Variants in ASXL3 observed in about 807,000 individuals in gnomAD.
ASXL3 encodes the protein putative Polycomb group protein ASXL3.
A neutral mutation model predicts 170.6 loss-of-function variants in ASXL3; 34 were observed. The observed-to-expected ratio is 0.20, with a 90% CI of 0.15 to 0.27. The LOEUF is 0.27. ASXL3 is among the 10% of genes least tolerant of loss of function. ASXL3 has a pLI of 1.00. For synonymous variants in ASXL3, 1,002 were observed against 989.1 expected (o/e 1.01, Z -0.24); for missense variants, 2,592 against 2,695.3 (o/e 0.96, Z 0.85).
intron 11 of ASXL3, among the ~76,000 whole-genome samples, chr18:33,742,666 T>A (rs146941067): frequency 1.6e-3 from 248 of 152,316 alleles, no homozygotes; most frequent in African/African-American, 5.7e-3. Flanking sequence ...ACAATGGATG[T>A]TTTTGTAGAT....
Position 33,745,896 on chromosome 18 carries a change from T to TCCGCCG in ASXL3, c.6054_6059dup (p.Pro2027_Pro2028dup), listed in dbSNP as rs1284784809. ...CAATGCCAAACAAAGCACTAGTACATCCGCCGCCGCCACCGCCTCCCCCTC... is the reference window on the plus strand; with the variant it reads ...CAATGCCAAACAAAGCACTAGTACATCCGCCGCCGCCGCCGCCACCGCCTCCCCCTC... On this transcript the variant is annotated inframe_insertion, in exon 12 of 12. Transcript: ENST00000269197. The TCCGCCG allele has an allele frequency of 4.3e-6, 7 of 1,611,022 alleles. No homozygotes were observed. The highest frequency in any genetic ancestry group is 2.2e-5 in the East Asian group (1 of 44,766).
At chr18:33,649,442 G>A (rs2065963937) in intron 4 of ASXL3, 1 of 152,088 alleles carries the variant, frequency 6.6e-6, no homozygotes, top group South Asian at 2.1e-4. Context: ...GAATAGGGGA[G>A]GTAGTTTTGT....
At chr18:33,598,569 C>T (rs562203784) in intron 1 of ASXL3, among the ~76,000 whole-genome samples, 30 of 152,258 alleles carry the variant, frequency 2.0e-4, no homozygotes, top group African/African-American at 7.0e-4. Flanking sequence ...AAAATTGGGA[C>T]AATGTTCAAG....
intron 4 of ASXL3, among the ~76,000 whole-genome samples, chr18:33,654,060 A>G (rs2066044404): frequency 1.3e-5 from 2 of 152,072 alleles, no homozygotes; most frequent in East Asian, 1.9e-4. Flanking sequence ...ATTTTGGTCA[A>G]TTTTAACAGT....
chr18:33,739,765 C>T lies in ASXL3; in HGVS notation c.2361C>T (p.Ser787=), dbSNP rs374512885. 68 of 1,613,726 alleles carry T rather than the reference C, an allele frequency of 4.2e-5. No homozygotes were observed. Among genetic ancestry groups the T allele is most frequent in the African/African-American group, 3.7e-4 (28 of 75,042 alleles). ...EPLSPQKDES[S]ATAKPLGENL... is the part of the protein sequence containing the mutation. ...TCTCCCCGCAGAAAGATGAGTCTTC[C>T]GCCACTGCCAAACCTCTGGGAGAGA... is the stretch of plus-strand genomic sequence containing the variant. The change falls in exon 11 of 12, where the codon TCC becomes TCT. Residue 787 remains serine, a synonymous_variant. Coordinates refer to ENST00000269197, the MANE Select transcript of ASXL3 (RefSeq NM_030632.3).
At chr18:33,648,916 C>T (rs879496258) in intron 4 of ASXL3, among the ~76,000 whole-genome samples, 1 of 151,904 alleles carries the variant, frequency 6.6e-6, no homozygotes, top group Admixed American at 6.6e-5. Flanking sequence ...ACTGGATTTA[C>T]CTTTATGAGT....
intron 2 of ASXL3, among the ~76,000 whole-genome samples, chr18:33,640,822 T>C (rs2065835279): frequency 6.7e-6 from 1 of 148,200 alleles, no homozygotes; most frequent in African/African-American, 2.5e-5. Context: ...CAGTAACTAA[T>C]TATGGTGTTT....
intron 2 of ASXL3, among the ~76,000 whole-genome samples, chr18:33,620,336 G>C (rs1330812037): frequency 1.1e-4 from 17 of 152,084 alleles, no homozygotes; most frequent in Admixed American, 1.1e-3. Context: ...ATTAAGATTT[G>C]TTGGAACAGA....
intron 1 of ASXL3, chr18:33,605,356 A>G (rs1021589562): frequency 6.6e-6 from 1 of 151,962 alleles, no homozygotes; most frequent in African/African-American, 2.4e-5. Flanking sequence ...CTTTTGTTCT[A>G]TTAATGTTTA....
intron 5 of ASXL3, among the ~76,000 whole-genome samples, chr18:33,666,295 A>G (rs2066255031): frequency 6.6e-6 from 1 of 152,174 alleles, no homozygotes; most frequent in Non-Finnish European, 1.5e-5. Flanking sequence ...CCCCCCTGAA[A>G]TGAATCTAGA....
At chr18:33,721,231 A>G (rs16964882) in intron 8 of ASXL3, among the ~76,000 whole-genome samples, 4,032 of 152,106 alleles carry the variant, frequency 0.027, 81 homozygotes, top group East Asian at 0.07. Flanking sequence ...CTGATTTGGA[A>G]ATTTAGACAG....
chr18:33,601,609 A>G (rs1227543471), intron 1 of ASXL3, among the ~76,000 whole-genome samples: 3 of 151,698 alleles, frequency 2.0e-5, no homozygotes, highest in Admixed American at 6.6e-5. Flanking sequence ...TAGTGCTACA[A>G]TTTGGAGATA....
intron 8 of ASXL3, among the ~76,000 whole-genome samples, chr18:33,692,518 C>T (rs538002774): frequency 1.3e-5 from 2 of 152,270 alleles, no homozygotes; most frequent in South Asian, 2.1e-4. Flanking sequence ...CAAAGTCCTC[C>T]TCACAAAAGC....
intron 2 of ASXL3, chr18:33,625,638 A>G (rs1296815508): frequency 6.6e-6 from 1 of 152,126 alleles, no homozygotes. Flanking sequence ...GTCCAAATCT[A>G]TCTAAAAGGT....
chr18:33,578,423 C>G lies in ASXL3; in HGVS notation c.-209C>G, dbSNP rs1278577171. On this transcript the variant is annotated 5_prime_UTR_variant, in exon 1 of 12. Transcript: ENST00000269197. ...CGCCGCCGCCGTCGCGCGCCCCCAC[C>G]CACTCCACCCCACCCCCTCGCTCCA... The G allele has an allele frequency of 2.0e-5, 2 of 100,136 alleles. No individual in the cohort carries two copies. The highest frequency in any genetic ancestry group is 4.2e-5 in the Non-Finnish European group (2 of 47,882). The allele number at this position is 100,136 out of a possible 1,614,324, so 6.2% of individuals were successfully genotyped here. A position where few individuals can be genotyped will look rare whatever the true frequency, so the allele number is the denominator to read the frequency against.
At chr18:33,734,236 A>AATTAC (rs2067507541) in intron 9 of ASXL3, 74 bp from the exon 10 acceptor site, 13 of 985,264 alleles carry the variant, frequency 1.3e-5, no homozygotes, top group Non-Finnish European at 1.9e-5. Flanking sequence ...TACTCAAATG[A>AATTAC]ATTACATGTT....
chr18:33,644,522 G>A (rs2145198367), intron 2 of ASXL3, among the ~76,000 whole-genome samples: 1 of 149,622 alleles, frequency 6.7e-6, no homozygotes, highest in African/African-American at 2.4e-5. Flanking sequence ...CAAGTTGTCT[G>A]TAATATTTAA....
At chr18:33,639,746 G>A (rs2065819150) in intron 2 of ASXL3, among the ~76,000 whole-genome samples, 1 of 152,046 alleles carries the variant, frequency 6.6e-6, no homozygotes. Context: ...TGATATCTTG[G>A]TAGTTTTTAA....
intron 1 of ASXL3, among the ~76,000 whole-genome samples, chr18:33,582,734 G>GT (rs1555715553): frequency 7.0e-6 from 1 of 142,634 alleles, no homozygotes; most frequent in African/African-American, 2.5e-5. Flanking sequence ...GTGTGTGTGT[G>GT]TGTGTGTTTT....
Sources: gnomAD v4.1 joint callset for allele counts (sites outside exome capture counted in the v4.1 genomes callset) on GRCh38, gnomAD v4.1.1 for gene constraint, MANE v1.5 for transcripts, NCBI Gene and HGNC (gene_info 2026-07-23, HGNC 2026-07-21) for gene names.